Variants in RBM28 observed in about 807,000 individuals in gnomAD.
The protein encoded by RBM28 is RNA binding motif protein 28.
Under a neutral mutation model 98.3 loss-of-function variants are expected in RBM28, and 78 were observed. That is an observed-to-expected ratio of 0.79 (90% CI 0.66 to 0.96). The LOEUF (loss-of-function observed/expected upper bound fraction) is 0.96. RBM28 is among the 40% of genes least tolerant of loss of function. RBM28 has a pLI of 0.00. For synonymous variants in RBM28, 306 were observed against 330.9 expected (o/e 0.92, Z 0.82); for missense variants, 838 against 913.0 (o/e 0.92, Z 1.06).
intron 9 of RBM28, among the ~76,000 whole-genome samples, chr7:128,333,058 T>C (rs973493760): frequency 2.0e-5 from 3 of 152,188 alleles, no homozygotes; most frequent in African/African-American, 7.2e-5. Flanking sequence ...GCCAACCCAA[T>C]TACAAAGCAT....
chr7:128,324,263 T>C (rs1796297975), intron 12 of RBM28, among the ~76,000 whole-genome samples: 1 of 152,240 alleles, frequency 6.6e-6, no homozygotes, highest in Admixed American at 6.5e-5. Context: ...TTAGAAATGA[T>C]GACAAGAAGC....
Position 128,343,854 on chromosome 7 carries a change from G to C in RBM28, c.-61C>G, listed in dbSNP as rs762546755. The C allele has an allele frequency of 8.5e-5, 107 of 1,254,590 alleles. No homozygotes were observed. Among genetic ancestry groups the C allele is most frequent in the Non-Finnish European group, 1.2e-4 (105 of 905,046 alleles). 77.7% of individuals were successfully genotyped at this position (1,254,590 alleles called of 1,614,324 possible). On this transcript the variant is annotated 5_prime_UTR_variant, in exon 1 of 19. Transcript: ENST00000223073. ...CAAACTAGGCCGGCGCACGCGAGCC[G>C]AAACGCTGGCTTTGGTAGGACAACC... is the stretch of plus-strand genomic sequence containing the variant.
chr7:128,337,558 A>ACAT (rs1796628421), intron 5 of RBM28, among the ~76,000 whole-genome samples: 1 of 30,938 alleles, frequency 3.2e-5, no homozygotes, highest in Non-Finnish European at 6.3e-5. Context: ...TACGGCAATA[A>ACAT]CTTCTTTTTT....
At chr7:128,332,502 A>AC (rs1230551207) in intron 9 of RBM28, among the ~76,000 whole-genome samples, 5 of 151,910 alleles carry the variant, frequency 3.3e-5, no homozygotes, top group African/African-American at 1.2e-4. Flanking sequence ...TTACAGGCAC[A>AC]CACCACCATG....
rs768941143 is a variant in RBM28, at chr7:128,343,725, C to A, written c.69G>T (p.Leu23=). The change falls in exon 1 of 19, where the codon CTG becomes CTT. Residue 23 remains leucine, a synonymous_variant. Transcript: ENST00000223073. Reference sequence around the variant, plus strand: ...GCTTCACCGGCCCCACCTGACTGAACAGTTCCTCCAGCTGCTCACTGCGGG... The same window carrying A: ...GCTTCACCGGCCCCACCTGACTGAAAAGTTCCTCCAGCTGCTCACTGCGGG... ...PSARSEQLEE[L]FSQVGPVKQC... 1 of 1,611,814 alleles carries A rather than the reference C, an allele frequency of 6.2e-7. No homozygotes were observed. Among genetic ancestry groups the A allele is most frequent in the African/African-American group, 1.3e-5 (1 of 74,804 alleles).
rs766438652 is a variant in RBM28, at chr7:128,339,336, G to T, written c.278-15C>A. The T allele has an allele frequency of 5.1e-6, 8 of 1,579,382 alleles. 1 individual carries two copies. In the South Asian group the frequency reaches 8.9e-5, roughly 18 times the overall value. On this transcript the variant is annotated splice_polypyrimidine_tract_variant and intron_variant, in intron 2 of 18. Transcript: ENST00000223073. ...CTCTGAGTTTTCTAAAAAATAAGAG[G>T]TAATGGAATAAGTACTCGAAAATCA...
At chr7:128,335,494 T>G in intron 8 of RBM28, 49 bp downstream of exon 8, 2 of 1,611,004 alleles carry the variant, frequency 1.2e-6, no homozygotes, top group Non-Finnish European at 1.7e-6. Context: ...TTCCGTAACT[T>G]CAGTAACTTT....
chr7:128,329,405 T>C (rs1219476088), intron 10 of RBM28, among the ~76,000 whole-genome samples: 3 of 152,184 alleles, frequency 2.0e-5, no homozygotes, highest in Non-Finnish European at 2.9e-5. Flanking sequence ...GGCCAGGTCT[T>C]ACTTTTTTTT....
chr7:128,339,689 T>C lies in RBM28; in HGVS notation c.221A>G (p.Asn74Ser), dbSNP rs754481142. The C allele has an allele frequency of 8.1e-5, 131 of 1,614,018 alleles. No individual in the cohort carries two copies. The highest frequency in any genetic ancestry group is 8.3e-5 in the Admixed American group (5 of 60,008). The change falls in exon 2 of 19, where the codon AAC becomes AGC. Residue 74 changes from asparagine (N) to serine (S), a missense_variant. Asn to Ser is a conservative substitution (Grantham distance 46, BLOSUM62 1). Transcript: ENST00000223073. ...CAGTTTTTTCTTGGCAACAGTCACG[T>C]TGATCTTGCAACCTTCAAAGGTGGT... ...EITTFEGCKI[N>S]VTVAKKKLRN... is the part of the protein sequence containing the mutation.
intron 16 of RBM28, among the ~76,000 whole-genome samples, chr7:128,315,580 CT>C (rs1457110774): frequency 1.1e-4 from 17 of 152,168 alleles, no homozygotes; most frequent in Admixed American, 8.5e-4. Flanking sequence ...CATCAAATCT[CT>C]CTCTCTTTTG....
At chr7:128,326,938 G>C (rs963599098) in intron 10 of RBM28, among the ~76,000 whole-genome samples, 1 of 151,530 alleles carries the variant, frequency 6.6e-6, no homozygotes, top group Non-Finnish European at 1.5e-5. Context: ...CCAAGAGTTA[G>C]AGCCTAAGCA....
At chr7:128,319,955 C>A (rs967233172) in intron 14 of RBM28, among the ~76,000 whole-genome samples, 2 of 152,100 alleles carry the variant, frequency 1.3e-5, no homozygotes, top group African/African-American at 4.8e-5. Context: ...AGGTGGCTCA[C>A]GCCTGTAATC....
At chr7:128,324,866 T>C (rs892230776) in intron 11 of RBM28, among the ~76,000 whole-genome samples, 172 bp from the exon 12 acceptor site, 17 of 151,840 alleles carry the variant, frequency 1.1e-4, no homozygotes, top group African/African-American at 4.1e-4. Flanking sequence ...ATACAAAAAT[T>C]AGCCGGGCAT....
In RBM28 at chr7:128,339,153, G is replaced by C. The variant is rs1584664367; in HGVS notation, c.372+74C>G. ...AGCCCAATTATACCATCTTGGTGAG[G>C]AGTTCTACTAATGATCACATCTTGG... On this transcript the variant is annotated intron_variant, in intron 3 of 18. Coordinates refer to ENST00000223073, the MANE Select transcript of RBM28 (RefSeq NM_018077.3). 2.4e-6 allele frequency: 3 copies of C among 1,254,520 alleles called. No homozygotes were observed. The East Asian group carries it at 6.9e-5, about 29-fold the overall frequency. The allele number at this position is 1,254,520 out of a possible 1,614,324, so 77.7% of individuals were successfully genotyped here.
rs1260613222 is a variant in RBM28, at chr7:128,329,875, T to C, written c.1129+944A>G. 2.1e-3 allele frequency among the ~76,000 whole-genome samples: 245 copies of C among 116,566 alleles called. 1 individual carries two copies. Among genetic ancestry groups the C allele is most frequent in the Non-Finnish European group, 3.1e-3 (193 of 61,644 alleles). 76.5% of individuals were successfully genotyped at this position (116,566 alleles called of 152,430 possible). A position where few individuals can be genotyped will look rare whatever the true frequency, so the allele number is the denominator to read the frequency against. On this transcript the variant is annotated intron_variant, in intron 10 of 18. Coordinates refer to ENST00000223073, the MANE Select transcript of RBM28 (RefSeq NM_018077.3). ...CTGCACTCCAGCCTGGGCAACAGAG[T>C]GAGACTCCGTCTCAAAAAAAAAAAA...
intron 2 of RBM28, 76 bp downstream of exon 2, chr7:128,339,557 A>G: frequency 6.6e-7 from 1 of 1,516,950 alleles, no homozygotes; most frequent in Non-Finnish European, 9.2e-7. Flanking sequence ...AGCTACCTCC[A>G]TGCCTCCCTC....
chr7:128,306,684 A>G lies in RBM28; in HGVS notation c.*4113T>C, dbSNP rs1795873476. 2 of 152,260 alleles carry G rather than the reference A, an allele frequency of 1.3e-5. No homozygotes were observed. Among genetic ancestry groups the G allele is most frequent in the African/African-American group, 2.4e-5 (1 of 41,464 alleles). 9.4% of individuals were successfully genotyped at this position (152,260 alleles called of 1,614,324 possible). ...AAGTTTAAGAAACACTGGATTTGCC[A>G]TCTATCAAGATGCTCCATTTAGGGG... On this transcript the variant is annotated 3_prime_UTR_variant, in exon 19 of 19. Coordinates refer to ENST00000223073, the MANE Select transcript of RBM28 (RefSeq NM_018077.3).
Position 128,309,239 on chromosome 7 carries a change from C to CA in RBM28, c.*1557dup, listed in dbSNP as rs1240512577. The CA allele has an allele frequency of 1.3e-5, 2 of 152,168 alleles. No individual in the cohort carries two copies. Among genetic ancestry groups the CA allele is most frequent in the Non-Finnish European group, 2.9e-5 (2 of 68,074 alleles). The allele number at this position is 152,168 out of a possible 1,614,324, so 9.4% of individuals were successfully genotyped here. A position where few individuals can be genotyped will look rare whatever the true frequency, so the allele number is the denominator to read the frequency against. On this transcript the variant is annotated 3_prime_UTR_variant, in exon 19 of 19. Coordinates refer to ENST00000223073, the MANE Select transcript of RBM28 (RefSeq NM_018077.3). Reference sequence around the variant, plus strand: ...TGAACAAGAGGGATAAAGTCCCTCTCACAAAGCATACATTCTAACTGGAGA... The same window carrying CA: ...TGAACAAGAGGGATAAAGTCCCTCTCAACAAAGCATACATTCTAACTGGAGA...
At chr7:128,313,367 A>G in intron 17 of RBM28, 93 bp from the exon 18 acceptor site, 1 of 1,224,272 alleles carries the variant, frequency 8.2e-7, no homozygotes, top group South Asian at 1.2e-5. Context: ...CAAGCCCATG[A>G]TAAGTGAAGT....
Sources: allele counts gnomAD v4.1 joint callset (sites outside exome capture counted in the v4.1 genomes callset), GRCh38; gene constraint gnomAD v4.1.1; transcripts MANE v1.5; gene names NCBI Gene and HGNC (gene_info 2026-07-23, HGNC 2026-07-21).